The following ZFR2 variants were observed in gnomAD, a reference collection of about 807,000 sequenced individuals.
ZFR2 encodes zinc finger RNA binding protein 2.
ZFR2 carries 104 observed loss-of-function variants against 105.7 expected under a neutral mutation model. That is an observed-to-expected ratio of 0.98 (90% CI 0.84 to 1.16). The LOEUF is 1.16. Among genes scored for constraint, ZFR2 ranks in the 50% most tolerant of loss-of-function variants. The probability of loss-of-function intolerance (pLI) is 0.00; values close to 1 mark genes in which losing one functional copy is unlikely to be tolerated. For missense variants in ZFR2, 1,425 were observed against 1,355.5 expected (o/e 1.05, Z -0.80); for synonymous variants, 634 against 597.7 (o/e 1.06, Z -0.89).
chr19:3,806,231 T>C, intron 18 of ZFR2, 106 bp from the exon 19 acceptor site: 1 of 1,213,434 alleles, frequency 8.2e-7, no homozygotes, highest in Non-Finnish European at 1.1e-6. Context: ...GGGCCAGGCC[T>C]ATCCTGTATC....
Position 3,816,701 on chromosome 19 carries a change from G to T in ZFR2, c.2076C>A (p.Ile692=). 1.9e-6 allele frequency: 3 copies of T among 1,610,250 alleles called. No individual in the cohort carries two copies. Among genetic ancestry groups the T allele is most frequent in the Non-Finnish European group, 1.7e-6 (2 of 1,178,118 alleles). ...GGAGCTGCCGGGGCAGCTGCTGGGC[G>T]ATCCTCCGCAGCAGGCTGTGCGTGG... The part of the protein sequence containing the change: ...EKPTHSLLRR[I]AQQLPRQLQM... The change falls in exon 13 of 19, where the codon ATC becomes ATA. Residue 692 remains isoleucine, a synonymous_variant. Coordinates refer to ENST00000262961, the MANE Select transcript of ZFR2 (RefSeq NM_015174.2).
rs370065910 is a variant in ZFR2 at position 3,820,148 on chromosome 19, G to A, written c.1740+34C>T. On this transcript the variant is annotated intron_variant, in intron 11 of 18. Coordinates refer to ENST00000262961, the MANE Select transcript of ZFR2 (RefSeq NM_015174.2). ...CCGCTGCTCCGGGGAGTGTGAGGTC[G>A]CCCGCGTTTGCACACAGAGGAAACT... The A allele has an allele frequency of 1.8e-5, 28 of 1,544,246 alleles. No individual in the cohort carries two copies. In the African/African-American group the frequency reaches 2.1e-4, roughly 11 times the overall value.
At chr19:3,808,002 C>A (rs1468612491) in intron 17 of ZFR2, among the ~76,000 whole-genome samples, 1 of 136,354 alleles carries the variant, frequency 7.3e-6, no homozygotes, top group African/African-American at 2.8e-5. Flanking sequence ...TGTGCAGGTA[C>A]ATCCATGTGT....
chr19:3,847,554 A>C lies in ZFR2; in HGVS notation c.54-12571T>G, dbSNP rs901722996. ...AAAAAAAAAAGTATTTTTTGAAAATAAGAATATTTGTAAAAAAGAATCATA... is the reference window on the plus strand; with the variant it reads ...AAAAAAAAAAGTATTTTTTGAAAATCAGAATATTTGTAAAAAAGAATCATA... On this transcript the variant is annotated intron_variant, in intron 1 of 18. Coordinates refer to ENST00000262961, the MANE Select transcript of ZFR2 (RefSeq NM_015174.2). Among the ~76,000 whole-genome samples the C allele has an allele frequency of 3.3e-5, 5 of 152,182 alleles. No individual in the cohort carries two copies. In the East Asian group the frequency reaches 9.6e-4, roughly 29 times the overall value.
In ZFR2 at chr19:3,834,431, T is replaced by C. The variant is rs1191991843; in HGVS notation, c.264+342A>G. Among the ~76,000 whole-genome samples the C allele has an allele frequency of 6.6e-6, 1 of 151,990 alleles. No individual in the cohort carries two copies. Among genetic ancestry groups the C allele is most frequent in the African/African-American group, 2.4e-5 (1 of 41,378 alleles). Reference sequence around the variant, plus strand: ...CTCTGGGCCCAGGTGGCCGAGGCCATCTGCCCTGACCAGGGAGGGGTCCTG... The same window carrying C: ...CTCTGGGCCCAGGTGGCCGAGGCCACCTGCCCTGACCAGGGAGGGGTCCTG... On this transcript the variant is annotated intron_variant, in intron 2 of 18. Coordinates refer to ENST00000262961, the MANE Select transcript of ZFR2 (RefSeq NM_015174.2). This position sits in a 1 kb window ranked among gnomAD's most constrained non-coding sequence, Gnocchi z 5.3.
intron 1 of ZFR2, among the ~76,000 whole-genome samples, chr19:3,836,324 A>T (rs1432361030): frequency 6.6e-6 from 1 of 150,514 alleles, no homozygotes; most frequent in African/African-American, 2.4e-5. Context: ...TTTTCTCTTT[A>T]AAAAAAAAAT....
intron 1 of ZFR2, among the ~76,000 whole-genome samples, chr19:3,857,853 A>T (rs967683615): frequency 1.3e-5 from 2 of 152,238 alleles, no homozygotes; most frequent in African/African-American, 4.8e-5. Context: ...TGCCATCTCC[A>T]TGACAACAAG....
chr19:3,850,925 A>T (rs1437226726), intron 1 of ZFR2, among the ~76,000 whole-genome samples: 1 of 141,474 alleles, frequency 7.1e-6, no homozygotes, highest in African/African-American at 2.7e-5. Flanking sequence ...AAAAAAAAAG[A>T]GACACCAGCA....
chr19:3,808,886 C>A lies in ZFR2; in HGVS notation c.2531G>T (p.Gly844Val), dbSNP rs1207087821. ...CAGCGACTGACCTGTCAGGAGCGTC[C>A]CTGTGGCCACGCACTCCAGGACTCG... ...VRRVLECVAT[G>V]TLLTDGPGLQ... The change falls in exon 17 of 19, where the codon GGG becomes GTG. Residue 844 changes from glycine (G) to valine (V), a missense_variant. By Grantham distance (109) the Gly-to-Val change is moderately radical. Coordinates refer to ENST00000262961, the MANE Select transcript of ZFR2 (RefSeq NM_015174.2). The A allele has an allele frequency of 1.3e-6, 2 of 1,553,938 alleles. No homozygotes were observed. Among genetic ancestry groups the A allele is most frequent in the South Asian group, 2.4e-5 (2 of 84,416 alleles).
rs912474787 is a variant in ZFR2 at position 3,816,842 on chromosome 19, G to A, written c.1935C>T (p.Ser645=). ...TCAGGACCCGAGTCTGGGGGGCAAC[G>A]CTGCTGTGGGGACAAAGCCACAGAC... ...RREEEGDKRS[S]VAPQTRVLKG... The change falls in exon 13 of 19, where the codon AGC becomes AGT. Residue 645 remains serine (S), a synonymous_variant. Coordinates refer to ENST00000262961, the MANE Select transcript of ZFR2 (RefSeq NM_015174.2). 13 of 1,557,514 alleles carry A rather than the reference G, an allele frequency of 8.3e-6. No individual in the cohort carries two copies. Among genetic ancestry groups the A allele is most frequent in the Admixed American group, 5.8e-5 (3 of 51,368 alleles).
At chr19:3,820,904 T>C (rs2037884099) in intron 10 of ZFR2, among the ~76,000 whole-genome samples, 1 of 91,448 alleles carries the variant, frequency 1.1e-5, no homozygotes, top group Non-Finnish European at 2.3e-5. Context: ...ACACTAGAGG[T>C]CGGGGGACAC....
intron 1 of ZFR2, among the ~76,000 whole-genome samples, chr19:3,852,975 A>G (rs772664005): frequency 2.0e-5 from 3 of 152,120 alleles, no homozygotes; most frequent in Non-Finnish European, 4.4e-5. Flanking sequence ...ATCCAGCCTC[A>G]AATGTCAAAA....
chr19:3,824,814 A>G (rs2037931545), intron 7 of ZFR2, among the ~76,000 whole-genome samples: 1 of 151,918 alleles, frequency 6.6e-6, no homozygotes, highest in Non-Finnish European at 1.5e-5. Context: ...GTGCATGCCT[A>G]TAGTCCCAGC....
rs1369026215 is a variant in ZFR2, at chr19:3,830,998, C to T, written c.852+305G>A. Among the ~76,000 whole-genome samples, 3 of 152,014 alleles carry T rather than the reference C, an allele frequency of 2.0e-5. No homozygotes were observed. The East Asian group carries it at 5.8e-4, about 29-fold the overall frequency. On this transcript the variant is annotated intron_variant, in intron 5 of 18. Coordinates refer to ENST00000262961, the MANE Select transcript of ZFR2 (RefSeq NM_015174.2). ...GCACACACATACACACACGCTTGCA[C>T]ACACAGGCACATGCAGGCACACATG... is the stretch of plus-strand genomic sequence containing the variant.
At chr19:3,808,425 G>A (rs1000930271) in intron 17 of ZFR2, among the ~76,000 whole-genome samples, 13 of 152,244 alleles carry the variant, frequency 8.5e-5, no homozygotes, top group Admixed American at 2.6e-4. Flanking sequence ...GTCCTGGCGC[G>A]TTCTCTTCCC....
At chr19:3,855,767 T>G (rs1312978521) in intron 1 of ZFR2, among the ~76,000 whole-genome samples, 1 of 151,980 alleles carries the variant, frequency 6.6e-6, no homozygotes, top group Non-Finnish European at 1.5e-5. Flanking sequence ...CAGAGGGAAT[T>G]GCATGGGAAG....
At chr19:3,818,564 C>A (rs1038415214) in intron 12 of ZFR2, among the ~76,000 whole-genome samples, 2 of 152,224 alleles carry the variant, frequency 1.3e-5, no homozygotes, top group Non-Finnish European at 2.9e-5. Flanking sequence ...GATGAGTTAT[C>A]TCCATGGCAA....
Position 3,852,276 on chromosome 19 carries a change from C to G in ZFR2, c.53+16689G>C, listed in dbSNP as rs952808887. The G allele has an allele frequency of 1.2e-5, 7 of 602,320 alleles. No individual in the cohort carries two copies. The Admixed American group carries it at 1.8e-4, about 16-fold the overall frequency. 37.3% of individuals were successfully genotyped at this position (602,320 alleles called of 1,614,324 possible). On this transcript the variant is annotated intron_variant, in intron 1 of 18. Transcript: ENST00000262961. The stretch of plus-strand genomic sequence containing the variant: ...GGCCAGATGGGGCTCAGCTGGGTGG[C>G]TCTCCTGGCTGAGGTGGGGTTCAGC...
intron 1 of ZFR2, among the ~76,000 whole-genome samples, chr19:3,864,271 A>G (rs544801759): frequency 6.6e-6 from 1 of 152,216 alleles, no homozygotes; most frequent in Admixed American, 6.5e-5. Flanking sequence ...CAGCCACTCC[A>G]GGAAGCTGAG....
Sources: allele counts gnomAD v4.1 joint callset (sites outside exome capture counted in the v4.1 genomes callset), GRCh38; gene constraint gnomAD v4.1.1; non-coding constraint Gnocchi (gnomAD v3.1); transcripts MANE v1.5; gene names NCBI Gene and HGNC (gene_info 2026-07-23, HGNC 2026-07-21).